ARHGEF7: variants seen among roughly 807,000 people sequenced by gnomAD.
ARHGEF7 encodes Rho guanine nucleotide exchange factor 7.
A neutral mutation model predicts 109.8 loss-of-function variants in ARHGEF7; 33 were observed. The ratio of observed to expected loss-of-function variants is 0.30; its 90% CI spans 0.23 to 0.40. ARHGEF7 has a LOEUF of 0.40. ARHGEF7 is among the 10% of genes least tolerant of loss of function. ARHGEF7 has a pLI of 1.00. For synonymous variants in ARHGEF7, 458 were observed against 424.6 expected, an observed-to-expected ratio of 1.08 and a Z score of -0.97; for missense variants, 938 against 1,098.5, an observed-to-expected ratio of 0.85 and a Z score of 2.07.
intron 19 of ARHGEF7, 81 bp downstream of exon 19, chr13:111,292,375 G>T (rs753045500): frequency 1.3e-6 from 2 of 1,581,562 alleles, no homozygotes; most frequent in Non-Finnish European, 1.7e-6. Flanking sequence ...TTGTATCGCA[G>T]CCTGCTTTTC....
chr13:111,248,491 GC>G (rs2089267483), intron 8 of ARHGEF7, among the ~76,000 whole-genome samples: 1 of 151,712 alleles, frequency 6.6e-6, no homozygotes, highest in African/African-American at 2.4e-5. Flanking sequence ...CTGCCTTGGG[GC>G]TCCAGTTACA....
chr13:111,300,814 C>T lies in ARHGEF7; in HGVS notation c.2378C>T (p.Thr793Ile). The change falls in exon 20 of 22, where the codon ACT becomes ATT. Residue 793 changes from threonine to isoleucine, a missense_variant. Transcript: ENST00000646102. ...GAAGAGAAAATTATAGTGGAAGAAA[C>T]TAAAAGTAATGGTCAGACAGTGATA... ...PEEEKIIVEE[T>I]KSNGQTVIEE... The T allele has an allele frequency of 6.2e-7, 1 of 1,610,038 alleles. No individual in the cohort carries two copies. The highest frequency in any genetic ancestry group is 8.5e-7 in the Non-Finnish European group (1 of 1,177,642).
At chr13:111,133,240 C>T (rs2074873684) in intron 1 of ARHGEF7, among the ~76,000 whole-genome samples, 1 of 151,924 alleles carries the variant, frequency 6.6e-6, no homozygotes, top group Non-Finnish European at 1.5e-5. Context: ...ATAATGCACA[C>T]ATATGCGCAT....
chr13:111,296,984 C>T (rs1450264569), intron 19 of ARHGEF7, among the ~76,000 whole-genome samples: 1 of 152,202 alleles, frequency 6.6e-6, no homozygotes, highest in Non-Finnish European at 1.5e-5. Context: ...AGAACATTAT[C>T]GGATCATTCT....
rs2090642212 is a variant in ARHGEF7 at position 111,258,064 on chromosome 13, C to T, written c.951-9484C>T. 6.6e-6 allele frequency among the ~76,000 whole-genome samples: 1 copy of T among 152,234 alleles called. No individual in the cohort carries two copies. Among genetic ancestry groups the T allele is most frequent in the Non-Finnish European group, 1.5e-5 (1 of 68,022 alleles). ...CTCTGAGCCAGTGGCCTTGGGGGGC[C>T]TGCAACCTAGTGAGACCTCAGCCGG... On this transcript the variant is annotated intron_variant, in intron 8 of 21. Transcript: ENST00000646102. This position sits in a 1 kb window ranked among gnomAD's most constrained non-coding sequence, Gnocchi z 4.4.
At chr13:111,242,056 A>G (rs1192000425) in intron 6 of ARHGEF7, among the ~76,000 whole-genome samples, 1 of 152,050 alleles carries the variant, frequency 6.6e-6, no homozygotes, top group Non-Finnish European at 1.5e-5. Flanking sequence ...TTCGACGGGA[A>G]TTTCGTAGAA....
Position 111,266,893 on chromosome 13 carries a change from C to T in ARHGEF7, c.951-655C>T, listed in dbSNP as rs1457682045. ...AAACTCTGAGGTCTGGAGAGGTGAGCGTGTACCCCGTTAGGCACACCCAAC... is the reference window on the plus strand; with the variant it reads ...AAACTCTGAGGTCTGGAGAGGTGAGTGTGTACCCCGTTAGGCACACCCAAC... On this transcript the variant is annotated intron_variant, in intron 8 of 21. Transcript: ENST00000646102. The surrounding 1 kb of genome is among the most constrained non-coding windows in gnomAD (Gnocchi z 4.8). 2.2e-6 allele frequency: 1 copy of T among 456,076 alleles called. No homozygotes were observed. The allele number at this position is 456,076 out of a possible 1,614,324, so 28.3% of individuals were successfully genotyped here. A position where few individuals can be genotyped will look rare whatever the true frequency, so the allele number is the denominator to read the frequency against.
intron 6 of ARHGEF7, among the ~76,000 whole-genome samples, chr13:111,235,978 A>G (rs370631578): frequency 3.3e-5 from 5 of 152,352 alleles, no homozygotes; most frequent in East Asian, 1.9e-4. Context: ...AGAGTATTCC[A>G]TGCGAAAGTA....
chr13:111,149,021 A>C (rs1462246327), intron 1 of ARHGEF7, among the ~76,000 whole-genome samples: 1 of 152,252 alleles, frequency 6.6e-6, no homozygotes, highest in Non-Finnish European at 1.5e-5. Context: ...CAGGAAAACA[A>C]GCGATGCTGG....
At chr13:111,247,211 A>G (rs2089015469) in intron 8 of ARHGEF7, among the ~76,000 whole-genome samples, 1 of 151,864 alleles carries the variant, frequency 6.6e-6, no homozygotes, top group Non-Finnish European at 1.5e-5. Flanking sequence ...CTATATGTGA[A>G]ATTTCTGTAC....
intron 13 of ARHGEF7, 29 bp downstream of exon 13, chr13:111,277,702 T>C (rs764503457): frequency 2.1e-6 from 3 of 1,443,738 alleles, no homozygotes; most frequent in Non-Finnish European, 2.9e-6. Context: ...TTATATTTTA[T>C]TGTGGATCTG....
chr13:111,193,663 C>A (rs1317491330), intron 2 of ARHGEF7, among the ~76,000 whole-genome samples: 3 of 152,232 alleles, frequency 2.0e-5, no homozygotes, highest in African/African-American at 7.2e-5. Flanking sequence ...TAACTGGGCA[C>A]TGGTCCCTGG....
chr13:111,121,662 G>A (rs540309637), intron 1 of ARHGEF7, among the ~76,000 whole-genome samples: 60 of 152,356 alleles, frequency 3.9e-4, no homozygotes, highest in South Asian at 1.7e-3. Context: ...ACTCTACCAC[G>A]TGCATCGCTG....
chr13:111,133,925 T>C (rs1420383823), intron 1 of ARHGEF7, among the ~76,000 whole-genome samples: 1 of 150,930 alleles, frequency 6.6e-6, no homozygotes, highest in African/African-American at 2.4e-5. Flanking sequence ...TTACATTAGG[T>C]ATATCTCCTA....
chr13:111,176,090 A>G (rs2078132932), intron 2 of ARHGEF7, among the ~76,000 whole-genome samples: 1 of 152,234 alleles, frequency 6.6e-6, no homozygotes, highest in Middle Eastern at 3.4e-3. Context: ...AGTCAAGATA[A>G]AGAGTTGGTT....
chr13:111,255,096 C>T lies in ARHGEF7; in HGVS notation c.950+10802C>T, dbSNP rs3933254. Among the ~76,000 whole-genome samples the T allele has an allele frequency of 1.3e-3, 8 of 6,222 alleles. 2 individuals are homozygous for T. The highest frequency in any genetic ancestry group is 4.6e-3 in the Admixed American group (2 of 436). 4.1% of individuals were successfully genotyped at this position (6,222 alleles called of 152,430 possible). ...TGAGTCGCTAACGTGAAGGCCGGGC[C>T]CAGAAGAGGATTCGGGCTAAGGCGC... On this transcript the variant is annotated intron_variant, in intron 8 of 21. Coordinates refer to ENST00000646102, the MANE Select transcript of ARHGEF7 (RefSeq NM_001354046.2). This position sits in a 1 kb window ranked among gnomAD's most constrained non-coding sequence, Gnocchi z 4.1.
intron 1 of ARHGEF7, among the ~76,000 whole-genome samples, chr13:111,133,756 CTT>C (rs2074910878): frequency 1.1e-5 from 1 of 87,048 alleles, no homozygotes. Context: ...AGAGAATCTG[CTT>C]TTCTTTATAT....
At chr13:111,135,469 A>G (rs2075040986) in intron 1 of ARHGEF7, among the ~76,000 whole-genome samples, 1 of 152,066 alleles carries the variant, frequency 6.6e-6, no homozygotes. Context: ...GTCCTCTTTT[A>G]TTTCGTTGAG....
intron 5 of ARHGEF7, among the ~76,000 whole-genome samples, chr13:111,220,189 G>C (rs2083646495): frequency 6.6e-6 from 1 of 152,342 alleles, no homozygotes; most frequent in African/African-American, 2.4e-5. Flanking sequence ...GGCCTGAGGT[G>C]GCGCCAGTGG....
Sources: allele counts gnomAD v4.1 joint callset (sites outside exome capture counted in the v4.1 genomes callset), GRCh38; gene constraint gnomAD v4.1.1; non-coding constraint Gnocchi (gnomAD v3.1); transcripts MANE v1.5; gene names NCBI Gene and HGNC (gene_info 2026-07-23, HGNC 2026-07-21).